Variants in DSTYK observed in about 807,000 individuals in gnomAD.
DSTYK encodes RIP-homologous kinase.
DSTYK carries 34 observed loss-of-function variants against 98.7 expected under a neutral mutation model. The observed-to-expected ratio is 0.34, with a 90% CI of 0.26 to 0.46. DSTYK has a LOEUF of 0.46. Ranked by LOEUF, DSTYK falls within the 20% of genes least tolerant of loss-of-function variation. DSTYK has a pLI of 1.00. For missense variants in DSTYK, 962 were observed against 1,181.7 expected (o/e 0.81, Z 2.73); for synonymous variants, 462 against 457.3 (o/e 1.01, Z -0.13).
intron 10 of DSTYK, among the ~76,000 whole-genome samples, chr1:205,154,279 C>G (rs1006625996): frequency 6.6e-6 from 1 of 152,108 alleles, no homozygotes; most frequent in African/African-American, 2.4e-5. Context: ...GTCTCACACA[C>G]CATCTTTCAC....
At chr1:205,149,047 C>T (rs937677506) in intron 11 of DSTYK, among the ~76,000 whole-genome samples, 1 of 151,836 alleles carries the variant, frequency 6.6e-6, no homozygotes, top group Non-Finnish European at 1.5e-5. Flanking sequence ...GGATTACAGG[C>T]ATGTGCCACC....
rs1416840184 is a variant in DSTYK, at chr1:205,142,718, T to C, written c.*4840A>G. 1.3e-5 allele frequency: 2 copies of C among 152,248 alleles called. No homozygotes were observed. The highest frequency in any genetic ancestry group is 2.9e-5 in the Non-Finnish European group (2 of 68,034). 9.4% of individuals were successfully genotyped at this position (152,248 alleles called of 1,614,324 possible). A position where few individuals can be genotyped will look rare whatever the true frequency, so the allele number is the denominator to read the frequency against. ...AGGTAGCACAAGAAAGGAGAGAGGATAAAGACTGAAGTGTGTGCCAAAGTC... is the reference window on the plus strand; with the variant it reads ...AGGTAGCACAAGAAAGGAGAGAGGACAAAGACTGAAGTGTGTGCCAAAGTC... On this transcript the variant is annotated 3_prime_UTR_variant, in exon 13 of 13. Transcript: ENST00000367162.
rs760029067 is a variant in DSTYK, at chr1:205,157,329, G to A, written c.2296C>T (p.Arg766Cys). The A allele has an allele frequency of 5.6e-6, 9 of 1,613,998 alleles. No homozygotes were observed. Among genetic ancestry groups the A allele is most frequent in the Non-Finnish European group, 5.1e-6 (6 of 1,180,024 alleles). ...QIALDVVEGI[R>C]FLHSQGLVHR... ...ACAAGTCCCTGGCTGTGCAGGAAGC[G>A]GATTCCCTCCACCACATCTAGTGCT... Residue 766 changes from arginine to cysteine, a missense_variant, in exon 10 of 13, where the codon CGC becomes TGC. By Grantham distance (180) the Arg-to-Cys change is radical (BLOSUM62 -3). Coordinates refer to ENST00000367162, the MANE Select transcript of DSTYK (RefSeq NM_015375.3).
intron 1 of DSTYK, among the ~76,000 whole-genome samples, chr1:205,203,943 G>A (rs1038512618): frequency 9.2e-5 from 14 of 152,064 alleles, no homozygotes; most frequent in African/African-American, 3.4e-4. Context: ...ACAGCAGGCA[G>A]ACCTGTACCA....
In DSTYK at chr1:205,187,599, C is replaced by G. The variant is rs1658593412; in HGVS notation, c.473G>C (p.Gly158Ala). 6.2e-7 allele frequency: 1 copy of G among 1,614,080 alleles called. No individual in the cohort carries two copies. Among genetic ancestry groups the G allele is most frequent in the Non-Finnish European group, 8.5e-7 (1 of 1,180,020 alleles). Residue 158 changes from glycine (G) to alanine (A), a missense_variant, in exon 2 of 13, where the codon GGG becomes GCG. Physicochemically the swap from Gly to Ala is moderately conservative, Grantham distance 60. Coordinates refer to ENST00000367162, the MANE Select transcript of DSTYK (RefSeq NM_015375.3). ...CKLRRLRFTY[G>A]TQTRVSLALP... ...CGCCAGGCTGACCCGAGTCTGAGTC[C>G]CATAGGTGAAGCGGAGGCGCCGAAG...
Position 205,187,779 on chromosome 1 carries a change from G to C in DSTYK, c.293C>G (p.Pro98Arg). The change falls in exon 2 of 13, where the codon CCT becomes CGT. Residue 98 changes from proline to arginine, a missense_variant. Transcript: ENST00000367162. ...AGQLSCISFP[P>R]KEEKYLQQIV... is the part of the protein sequence containing the mutation. ...CTGCTGGAGGTACTTCTCTTCCTTA[G>C]GTGGGAAGGAAATGCAGCTCAGTTG... is the stretch of plus-strand genomic sequence containing the variant. The C allele has an allele frequency of 6.2e-7, 1 of 1,613,550 alleles. No homozygotes were observed. The highest frequency in any genetic ancestry group is 8.5e-7 in the Non-Finnish European group (1 of 1,179,682).
At position 205,184,210 on chromosome 1, in the gene DSTYK, C is replaced by A. The variant is rs948588939; in HGVS notation, c.654+3208G>T. ...CGCTTGGGGGGATGGCTCATACTTTCCTTTTTGTGACTTTCTTATATCACC... is the reference window on the plus strand; with the variant it reads ...CGCTTGGGGGGATGGCTCATACTTTACTTTTTGTGACTTTCTTATATCACC... On this transcript the variant is annotated intron_variant, in intron 2 of 12. Coordinates refer to ENST00000367162, the MANE Select transcript of DSTYK (RefSeq NM_015375.3). 4.0e-5 allele frequency among the ~76,000 whole-genome samples: 6 copies of A among 151,842 alleles called. No individual in the cohort carries two copies. In the East Asian group the frequency reaches 1.2e-3, roughly 29 times the overall value.
intron 1 of DSTYK, among the ~76,000 whole-genome samples, chr1:205,207,755 C>CAAAAAAAAAAAAAAAAA (rs766036213): frequency 9.5e-5 from 5 of 52,728 alleles, no homozygotes; most frequent in African/African-American, 3.1e-4. Context: ...GACTCTGTCT[C>CAAAAAAAAAAAAAAAAA]AAAAAAAAAA....
At chr1:205,188,083 G>A (rs1342565083) in intron 1 of DSTYK, among the ~76,000 whole-genome samples, 2 of 151,984 alleles carry the variant, frequency 1.3e-5, no homozygotes, top group African/African-American at 2.4e-5. Context: ...TTCCCGCCCC[G>A]CTCCTTTTTC....
At chr1:205,165,517 A>G (rs1232027519) in intron 3 of DSTYK, among the ~76,000 whole-genome samples, 1 of 152,212 alleles carries the variant, frequency 6.6e-6, no homozygotes, top group Non-Finnish European at 1.5e-5. Context: ...GAAGAACTTG[A>G]GAGAAGTCAA....
intron 2 of DSTYK, among the ~76,000 whole-genome samples, chr1:205,171,865 A>G (rs1658074763): frequency 6.6e-6 from 1 of 152,192 alleles, no homozygotes; most frequent in South Asian, 2.1e-4. Flanking sequence ...GATGTTGAAT[A>G]TTTACTTTGT....
intron 12 of DSTYK, 103 bp from the exon 13 acceptor site, chr1:205,147,848 C>G (rs1657286923): frequency 8.4e-7 from 1 of 1,195,700 alleles, no homozygotes; most frequent in Non-Finnish European, 1.2e-6. Flanking sequence ...GCTCAGAATA[C>G]TAAGAATGCA....
intron 2 of DSTYK, among the ~76,000 whole-genome samples, chr1:205,180,411 G>C (rs1658362058): frequency 6.6e-6 from 1 of 152,130 alleles, no homozygotes; most frequent in African/African-American, 2.4e-5. Flanking sequence ...ATGGCTTCCA[G>C]CTTCATCCAT....
rs137954678 is a variant in DSTYK at position 205,162,416 on chromosome 1, G to T, written c.1642-204C>A. 2.6e-3 allele frequency among the ~76,000 whole-genome samples: 403 copies of T among 152,282 alleles called. 1 individual carries two copies. Among genetic ancestry groups the T allele is most frequent in the African/African-American group, 9.3e-3 (388 of 41,560 alleles). On this transcript the variant is annotated intron_variant, in intron 5 of 12. Transcript: ENST00000367162. ...AGAGAAAAGCATCAAAGAACACCAGGCCTAGTCTACATGCTCACAAACCCT... is the reference window on the plus strand; with the variant it reads ...AGAGAAAAGCATCAAAGAACACCAGTCCTAGTCTACATGCTCACAAACCCT...
chr1:205,162,905 C>T lies in DSTYK; in HGVS notation c.1641+18G>A. Reference sequence around the variant, plus strand: ...CAACTAGGGGCTTTGAAATCTTTCTCTAAGTAATAATCCCTACCTGTTTGA... The same window carrying T: ...CAACTAGGGGCTTTGAAATCTTTCTTTAAGTAATAATCCCTACCTGTTTGA... On this transcript the variant is annotated intron_variant, in intron 5 of 12. Transcript: ENST00000367162. The T allele has an allele frequency of 1.3e-6, 2 of 1,596,558 alleles. No homozygotes were observed. The highest frequency in any genetic ancestry group is 1.1e-5 in the South Asian group (1 of 90,722).
chr1:205,167,477 G>C (rs1657924286), intron 3 of DSTYK, among the ~76,000 whole-genome samples: 1 of 152,198 alleles, frequency 6.6e-6, no homozygotes, highest in African/African-American at 2.4e-5. Context: ...TGATGGGTAG[G>C]TAGGATTTGG....
chr1:205,167,233 T>TA (rs112666486), intron 3 of DSTYK, among the ~76,000 whole-genome samples: 45 of 150,322 alleles, frequency 3.0e-4, no homozygotes, highest in African/African-American at 7.8e-4. Flanking sequence ...CCCCTGTCTC[T>TA]AAAAAAAAAT....
chr1:205,187,853 G>C (rs745474855), intron 1 of DSTYK, 47 bp from the exon 2 acceptor site: 1 of 1,499,478 alleles, frequency 6.7e-7, no homozygotes, highest in Non-Finnish European at 9.0e-7. Context: ...AGTAGAGAGA[G>C]AGGAGTGAGG....
chr1:205,157,988 C>T (rs1263311080), intron 9 of DSTYK, among the ~76,000 whole-genome samples: 1 of 152,126 alleles, frequency 6.6e-6, no homozygotes, highest in African/African-American at 2.4e-5. Flanking sequence ...CCTTGAGGCT[C>T]AAAGTGACTA....
Sources: gnomAD v4.1 joint callset for allele counts (sites outside exome capture counted in the v4.1 genomes callset) on GRCh38, gnomAD v4.1.1 for gene constraint, MANE v1.5 for transcripts, NCBI Gene and HGNC (gene_info 2026-07-23, HGNC 2026-07-21) for gene names.